Variants in FRY observed in about 807,000 individuals in gnomAD.
The protein encoded by FRY is protein furry homolog.
A neutral mutation model predicts 348.4 loss-of-function variants in FRY; 128 were observed. The observed-to-expected ratio is 0.37, with a 90% CI of 0.32 to 0.43. The LOEUF (loss-of-function observed/expected upper bound fraction) is 0.43, where lower values mean the gene tolerates loss of function less well. Among genes scored for constraint, FRY ranks in the 20% least tolerant of loss-of-function variants. FRY has a pLI of 1.00. For missense variants in FRY, 2,736 were observed against 3,695.2 expected (o/e 0.74, Z 6.73); for synonymous variants, 1,370 against 1,374.7 (o/e 1.00, Z 0.08).
chr13:32,244,688 G>A (rs1886685505), intron 47 of FRY, among the ~76,000 whole-genome samples: 1 of 152,172 alleles, frequency 6.6e-6, no homozygotes, highest in Non-Finnish European at 1.5e-5. Context: ...ATTTGTTTGA[G>A]GGGATAAATA....
At chr13:32,230,092 T>C (rs990459549) in intron 40 of FRY, among the ~76,000 whole-genome samples, 1 of 152,204 alleles carries the variant, frequency 6.6e-6, no homozygotes, top group African/African-American at 2.4e-5. Context: ...CAAGGGTGCA[T>C]GTGCAGGGTA....
chr13:32,261,564 G>A, intron 51 of FRY, 52 bp from the exon 52 acceptor site: 1 of 1,393,684 alleles, frequency 7.2e-7, no homozygotes. Flanking sequence ...GTGTGAACAT[G>A]TGAGTGCAAG....
At chr13:32,102,073 C>A (rs1877198276) in intron 3 of FRY, 57 bp downstream of exon 3, 1 of 953,294 alleles carries the variant, frequency 1.0e-6, no homozygotes, top group Non-Finnish European at 1.7e-6. Context: ...TCACGCAAGG[C>A]AAGGTCTGCA....
chr13:32,145,115 C>T (rs969087076), intron 11 of FRY, among the ~76,000 whole-genome samples: 1 of 152,166 alleles, frequency 6.6e-6, no homozygotes, highest in African/African-American at 2.4e-5. Context: ...GTTTACAAAG[C>T]TTGCGGGAGA....
At chr13:32,141,447 A>C (rs1174037968) in intron 11 of FRY, among the ~76,000 whole-genome samples, 3 of 152,214 alleles carry the variant, frequency 2.0e-5, no homozygotes, top group Admixed American at 6.5e-5. Flanking sequence ...GAAAACTGGA[A>C]GGTATTTTAA....
chr13:32,244,848 G>A (rs1030841954), intron 47 of FRY, among the ~76,000 whole-genome samples: 1 of 152,168 alleles, frequency 6.6e-6, no homozygotes, highest in African/African-American at 2.4e-5. Flanking sequence ...CAAGATTTCA[G>A]TTAGTAAAGG....
chr13:32,079,003 C>T lies in FRY; in HGVS notation c.240C>T (p.Arg80=). 1 of 1,613,754 alleles carries T rather than the reference C, an allele frequency of 6.2e-7. No homozygotes were observed. The highest frequency in any genetic ancestry group is 8.5e-7 in the Non-Finnish European group (1 of 1,179,674). ...TCAACTTCACCACTCAGGCTGAACG[C>T]AAGATTCGTATCATTATGGCAGAGC... ...LFVNFTTQAE[R]KIRIIMAEPL... is the part of the protein sequence containing the mutation. The change falls in exon 2 of 61, where the codon CGC becomes CGT. Residue 80 remains arginine (R), a synonymous_variant. Coordinates refer to ENST00000542859, the MANE Select transcript of FRY (RefSeq NM_023037.3).
intron 2 of FRY, among the ~76,000 whole-genome samples, chr13:32,081,803 C>T (rs1875514651): frequency 6.6e-6 from 1 of 152,118 alleles, no homozygotes; most frequent in Non-Finnish European, 1.5e-5. Flanking sequence ...GGGCATTTGG[C>T]ATTTTGTCCT....
intron 27 of FRY, among the ~76,000 whole-genome samples, 186 bp downstream of exon 27, chr13:32,186,606 C>A (rs932834672): frequency 2.0e-5 from 3 of 152,118 alleles, no homozygotes; most frequent in Admixed American, 6.6e-5. Context: ...CCATTTTCTT[C>A]TCATATTTCT....
chr13:32,219,175 G>A (rs541799659), intron 36 of FRY, among the ~76,000 whole-genome samples: 122 of 148,320 alleles, frequency 8.2e-4, no homozygotes, highest in Middle Eastern at 3.5e-3. Context: ...TGCAAGCTCC[G>A]CCTTCTGGGT....
intron 18 of FRY, 68 bp from the exon 19 acceptor site, chr13:32,173,299 A>T (rs1450057186): frequency 4.9e-6 from 6 of 1,227,876 alleles, no homozygotes; most frequent in Non-Finnish European, 7.2e-6. Context: ...AAATATGTAA[A>T]ACATGAGTGT....
intron 2 of FRY, among the ~76,000 whole-genome samples, chr13:32,080,502 T>G (rs1875405888): frequency 6.6e-6 from 1 of 152,226 alleles, no homozygotes; most frequent in South Asian, 2.1e-4. Flanking sequence ...AGAACCCACA[T>G]CTGAACCCCT....
At chr13:32,209,807 C>T (rs1884581274) in intron 33 of FRY, 76 bp downstream of exon 33, 2 of 1,372,972 alleles carry the variant, frequency 1.5e-6, no homozygotes. Context: ...TCAGAATGTG[C>T]TCTTTGCTCC....
At chr13:32,124,512 T>C in intron 5 of FRY, 90 bp from the exon 6 acceptor site, 1 of 876,036 alleles carries the variant, frequency 1.1e-6, no homozygotes, top group South Asian at 1.4e-5. Flanking sequence ...TATTGATTGC[T>C]ATTGATTGTC....
chr13:32,258,517 G>A (rs553009541), intron 51 of FRY, among the ~76,000 whole-genome samples: 1 of 152,146 alleles, frequency 6.6e-6, no homozygotes, highest in East Asian at 1.9e-4. Flanking sequence ...GGAGGCTGAG[G>A]CAGGAGAATC....
At position 32,267,264 on chromosome 13, in the gene FRY, G is replaced by A. The variant is rs1372617736; in HGVS notation, c.8041G>A (p.Glu2681Lys). 4 of 1,614,018 alleles carry A rather than the reference G, an allele frequency of 2.5e-6. No homozygotes were observed. The highest frequency in any genetic ancestry group is 3.4e-6 in the Non-Finnish European group (4 of 1,180,014). The change falls in exon 55 of 61, where the codon GAG (glutamate) becomes AAG (lysine). Residue 2681 changes from glutamate (E) to lysine (K), a missense_variant. Physicochemically the swap from Glu to Lys is moderately conservative, Grantham distance 56. Coordinates refer to ENST00000542859, the MANE Select transcript of FRY (RefSeq NM_023037.3). ...AFQPAACDDAEEAWRSHINQL... is the reference protein window; with the variant it reads ...AFQPAACDDAKEAWRSHINQL... ...TCAGCCCGCAGCCTGTGACGATGCC[G>A]AGGAGGCCTGGCGCAGCCACATCAA...
chr13:32,254,364 C>T lies in FRY; in HGVS notation c.7386C>T (p.Asp2462=), dbSNP rs1295570695. 6.2e-7 allele frequency: 1 copy of T among 1,614,100 alleles called. No homozygotes were observed. Among genetic ancestry groups the T allele is most frequent in the Non-Finnish European group, 8.5e-7 (1 of 1,179,964 alleles). The change falls in exon 51 of 61, where the codon GAC becomes GAT. Residue 2462 remains aspartate (D), a synonymous_variant. Transcript: ENST00000542859. ...AGTTTAGAGTCTTCAGAGACTTCGA[C>T]TTCCTAGATGTGGAGCTGGAGGATG... ...EQQFRVFRDF[D]FLDVELEDGE... is the part of the protein sequence containing the mutation.
At chr13:32,202,905 C>T (rs749518301) in intron 31 of FRY, among the ~76,000 whole-genome samples, 2 of 150,556 alleles carry the variant, frequency 1.3e-5, no homozygotes, top group Admixed American at 6.6e-5. Flanking sequence ...GCCGAGATTG[C>T]GCCACCGTAC....
chr13:32,267,929 G>A (rs564994634), intron 55 of FRY, among the ~76,000 whole-genome samples: 3 of 152,318 alleles, frequency 2.0e-5, no homozygotes, highest in South Asian at 2.1e-4. Flanking sequence ...AATCAGGCCA[G>A]TCTAACTACT....
Sources: gnomAD v4.1 joint callset for allele counts (sites outside exome capture counted in the v4.1 genomes callset) on GRCh38, gnomAD v4.1.1 for gene constraint, MANE v1.5 for transcripts, NCBI Gene and HGNC (gene_info 2026-07-23, HGNC 2026-07-21) for gene names.